Variants in ADGRG4 observed in about 807,000 individuals in gnomAD.
The protein encoded by ADGRG4 is G protein-coupled receptor 112.
ADGRG4 carries 122 observed loss-of-function variants against 126.2 expected under a neutral mutation model. That is an observed-to-expected ratio of 0.97 (90% CI 0.83 to 1.12). The LOEUF is 1.12. ADGRG4 is among the 50% of genes most tolerant of loss of function. ADGRG4 has a pLI of 0.00. For synonymous variants in ADGRG4, 943 were observed against 838.7 expected (o/e 1.12, Z -2.15); for missense variants, 2,481 against 2,251.8 (o/e 1.10, Z -2.06).
chrX:136,328,943 C>T (rs1277333092), intron 5 of ADGRG4, among the ~76,000 whole-genome samples: 3 of 111,644 alleles, frequency 2.7e-5, no homozygotes, highest in Non-Finnish European at 5.6e-5. Context: ...CACAGGATGA[C>T]ATTCTCCTAT....
In ADGRG4 at chrX:136,414,091, A is replaced by G. The variant is rs1216139916; in HGVS notation, c.9038-69A>G. ...TATTGAAGTGTAATTTATATACCAT[A>G]CAATTCACTACTTTAAGTATAGAAT... is the stretch of plus-strand genomic sequence containing the variant. On this transcript the variant is annotated intron_variant, in intron 24 of 25. Transcript: ENST00000394143. The G allele has an allele frequency of 8.9e-6, 8 of 900,192 alleles. No individual in the cohort carries two copies. In the Admixed American group the frequency reaches 2.1e-4, roughly 24 times the overall value. The allele number at this position is 900,192 out of a possible 1,213,427, so 74.2% of individuals were successfully genotyped here. A position where few individuals can be genotyped will look rare whatever the true frequency, so the allele number is the denominator to read the frequency against.
Position 136,392,251 on chromosome X carries a change from C to A in ADGRG4, c.7931C>A (p.Ala2644Glu). The stretch of plus-strand genomic sequence containing the variant: ...CTGCAGACCAAAAATGTCACTAAAG[C>A]ATTAACCACCTATGTTGTGAGTGCC... The part of the protein sequence containing the change: ...SLFKTKNVTK[A>E]LTTYVVSASI... The change falls in exon 17 of 26, where the codon GCA becomes GAA. Residue 2644 changes from alanine to glutamate, a missense_variant. Transcript: ENST00000394143. 8.6e-7 allele frequency: 1 copy of A among 1,162,696 alleles called. No homozygotes were observed. Among genetic ancestry groups the A allele is most frequent in the Non-Finnish European group, 1.1e-6 (1 of 870,009 alleles).
chrX:136,301,178 G>T (rs142062304), intron 1 of ADGRG4, among the ~76,000 whole-genome samples, 178 bp downstream of exon 1: 47,492 of 110,751 alleles, frequency 0.43, 7,480 homozygotes, highest in Middle Eastern at 0.58. Context: ...TTCCACAATG[G>T]TTTAACCAGT....
rs780559643 is a variant in ADGRG4 at position 136,372,978 on chromosome X, C to T, written c.7690C>T (p.Leu2564=). 7 of 1,208,913 alleles carry T rather than the reference C, an allele frequency of 5.8e-6. No individual in the cohort carries two copies. The highest frequency in any genetic ancestry group is 7.8e-6 in the Non-Finnish European group (7 of 894,451). Residue 2564 remains leucine, a synonymous_variant, in exon 15 of 26, where the codon CTG becomes TTG. Transcript: ENST00000394143. ...GQIANLTVAG[L]ALAVLRGDHT... ...GATAGCAAATCTGACGGTGGCCGGG[C>T]TGGCTTTGGCTGTGCTGCGGGGGGA...
At chrX:136,387,258 TC>T (rs2075296756) in intron 15 of ADGRG4, among the ~76,000 whole-genome samples, 1 of 112,376 alleles carries the variant, frequency 8.9e-6, no homozygotes, top group Non-Finnish European at 1.9e-5. Flanking sequence ...ATGCCTCACT[TC>T]CCTGCTTCAC....
chrX:136,338,279 TC>T (rs1357404147), intron 5 of ADGRG4, among the ~76,000 whole-genome samples: 1 of 109,784 alleles, frequency 9.1e-6, no homozygotes, highest in African/African-American at 3.3e-5. Context: ...TACCTCAGCC[TC>T]CTGAGTATCT....
At chrX:136,326,243 G>A (rs1413963574) in intron 5 of ADGRG4, among the ~76,000 whole-genome samples, 1 of 112,323 alleles carries the variant, frequency 8.9e-6, no homozygotes, top group Non-Finnish European at 1.9e-5. Context: ...CAAAGCCCCC[G>A]AAATCACAAC....
intron 4 of ADGRG4, among the ~76,000 whole-genome samples, chrX:136,313,448 A>G (rs905641844): frequency 4.4e-5 from 5 of 112,643 alleles, no homozygotes; most frequent in Non-Finnish European, 1.9e-5. Context: ...TTGTCTAACA[A>G]TACTCAAAGC....
chrX:136,353,574 A>G (rs899724214), intron 8 of ADGRG4, among the ~76,000 whole-genome samples, 173 bp downstream of exon 8: 7 of 111,566 alleles, frequency 6.3e-5, no homozygotes, highest in Non-Finnish European at 1.3e-4. Flanking sequence ...AAATTGTATT[A>G]CTATTGTAGG....
intron 4 of ADGRG4, among the ~76,000 whole-genome samples, chrX:136,314,174 C>T (rs2074791290): frequency 1.8e-5 from 2 of 111,140 alleles, no homozygotes; most frequent in Non-Finnish European, 3.8e-5. Flanking sequence ...TCAGTAGCCT[C>T]CTAATGTTCT....
At chrX:136,391,906 T>C (rs1019346130) in intron 16 of ADGRG4, among the ~76,000 whole-genome samples, 7 of 112,718 alleles carry the variant, frequency 6.2e-5, no homozygotes, top group South Asian at 3.7e-4. Flanking sequence ...TTGTGAAATG[T>C]CAAGGTCCAG....
rs199828604 is a variant in ADGRG4 at position 136,383,881 on chromosome X, C to CTTCCTTTCCTTTCCTTTCCT, written c.7777-3850_7777-3831dup. Reference sequence around the variant, plus strand: ...TTCTTTCTTTCTTTCTTTCTTCTTTCTTCCTTTCCTTTCCTTTCCTTTCCT... The same window carrying CTTCCTTTCCTTTCCTTTCCT: ...TTCTTTCTTTCTTTCTTTCTTCTTTCTTCCTTTCCTTTCCTTTCCTTTCCTTTCCTTTCCTTTCCTTTCCT... On this transcript the variant is annotated intron_variant, in intron 15 of 25. Coordinates refer to ENST00000394143, the MANE Select transcript of ADGRG4 (RefSeq NM_153834.4). 3.3e-3 allele frequency among the ~76,000 whole-genome samples: 171 copies of CTTCCTTTCCTTTCCTTTCCT among 52,454 alleles called. 4 individuals carry two copies. Among genetic ancestry groups the CTTCCTTTCCTTTCCTTTCCT allele is most frequent in the African/African-American group, 9.6e-3 (133 of 13,862 alleles). The allele number at this position is 52,454 out of a possible 115,157, so 45.5% of individuals were successfully genotyped here.
At chrX:136,350,566 A>G in intron 6 of ADGRG4, 133 bp downstream of exon 6, 1 of 572,410 alleles carries the variant, frequency 1.7e-6, no homozygotes, top group Non-Finnish European at 2.7e-6. Context: ...TGTCTCCTTC[A>G]GACAGTGGGT....
chrX:136,340,015 A>G (rs1018750021), intron 5 of ADGRG4, among the ~76,000 whole-genome samples: 6 of 111,007 alleles, frequency 5.4e-5, no homozygotes, highest in African/African-American at 2.0e-4. Context: ...CATTTAGGAT[A>G]AAAAAAATCC....
intron 15 of ADGRG4, among the ~76,000 whole-genome samples, chrX:136,375,151 TG>T (rs959494534): frequency 1.8e-5 from 2 of 111,777 alleles, no homozygotes; most frequent in African/African-American, 6.5e-5. Flanking sequence ...TTTCCATTCC[TG>T]AGTTACTTCA....
At chrX:136,336,250 G>A (rs1485984515) in intron 5 of ADGRG4, among the ~76,000 whole-genome samples, 1 of 110,922 alleles carries the variant, frequency 9.0e-6, no homozygotes, top group East Asian at 2.8e-4. Flanking sequence ...CTTTAAATGA[G>A]GTTTGTTTTA....
Position 136,349,066 on chromosome X carries a change from C to T in ADGRG4, c.5360C>T (p.Thr1787Ile). 2 of 1,205,708 alleles carry T rather than the reference C, an allele frequency of 1.7e-6. No individual in the cohort carries two copies. Among genetic ancestry groups the T allele is most frequent in the Non-Finnish European group, 2.2e-6 (2 of 891,863 alleles). ...GGACCCACAAAAAATGTTAAAACAA[C>T]CACCAATTGCTTTTCTTCTAATACT... Reference protein sequence around the residue: ...ASGPTKNVKTTTNCFSSNTRK... With the variant: ...ASGPTKNVKTITNCFSSNTRK... Residue 1787 changes from threonine to isoleucine, a missense_variant, in exon 6 of 26, where the codon ACC (threonine) becomes ATC (isoleucine). Transcript: ENST00000394143.
At chrX:136,302,856 T>A (rs1013711144) in intron 1 of ADGRG4, among the ~76,000 whole-genome samples, 1 of 112,131 alleles carries the variant, frequency 8.9e-6, no homozygotes. Context: ...TAGAGGTGGA[T>A]ACCATCATCA....
At chrX:136,333,716 C>T (rs1423192973) in intron 5 of ADGRG4, among the ~76,000 whole-genome samples, 2 of 110,569 alleles carry the variant, frequency 1.8e-5, no homozygotes, top group Non-Finnish European at 3.8e-5. Context: ...TGAGGTCTCA[C>T]CATGCTGGCC....
Sources: gnomAD v4.1 joint callset for allele counts (sites outside exome capture counted in the v4.1 genomes callset) on GRCh38, gnomAD v4.1.1 for gene constraint, MANE v1.5 for transcripts, NCBI Gene and HGNC (gene_info 2026-07-23, HGNC 2026-07-21) for gene names.